SDK1: variants seen among roughly 807,000 people sequenced by gnomAD.
SDK1 encodes the protein sidekick cell adhesion molecule 1, also known as protein sidekick-1.
Under a neutral mutation model 245.5 loss-of-function variants are expected in SDK1, and 157 were observed. The ratio of observed to expected loss-of-function variants is 0.64; its 90% CI spans 0.56 to 0.73. SDK1 has a LOEUF of 0.73. SDK1 is among the 30% of genes least tolerant of loss of function. SDK1 has a pLI of 0.00. For synonymous variants in SDK1, 1,647 were observed against 1,278.5 expected (o/e 1.29, Z -6.15); for missense variants, 3,583 against 3,002.3 (o/e 1.19, Z -4.52).
At chr7:4,040,777 C>G (rs1298371346) in intron 17 of SDK1, among the ~76,000 whole-genome samples, 1 of 152,126 alleles carries the variant, frequency 6.6e-6, no homozygotes, top group Admixed American at 6.6e-5. Context: ...GGGTTATCTC[C>G]CCCGCTGGTG....
chr7:3,542,710 C>G (rs559565635), intron 1 of SDK1, among the ~76,000 whole-genome samples: 1 of 152,102 alleles, frequency 6.6e-6, no homozygotes, highest in Non-Finnish European at 1.5e-5. Flanking sequence ...CTCTTTAAAC[C>G]TCTCTTAGAA....
intron 1 of SDK1, among the ~76,000 whole-genome samples, chr7:3,528,706 G>A (rs1479482397): frequency 3.9e-5 from 6 of 152,076 alleles, no homozygotes; most frequent in Admixed American, 6.5e-5. Flanking sequence ...TTTTGAAGGC[G>A]TAATACACAG....
chr7:3,644,793 C>CAAA (rs59276438), intron 4 of SDK1, among the ~76,000 whole-genome samples: 7 of 108,850 alleles, frequency 6.4e-5, no homozygotes, highest in African/African-American at 1.1e-4. Context: ...AAAAAAAAAA[C>CAAA]AAAAAACAAC....
At chr7:3,921,480 G>A (rs1779585437) in intron 5 of SDK1, among the ~76,000 whole-genome samples, 2 of 152,160 alleles carry the variant, frequency 1.3e-5, no homozygotes, top group South Asian at 2.1e-4. Context: ...TAAATTCCCA[G>A]AAGTGGAATT....
intron 44 of SDK1, among the ~76,000 whole-genome samples, chr7:4,254,506 T>C (rs1369295852): frequency 1.3e-5 from 2 of 152,214 alleles, no homozygotes; most frequent in East Asian, 3.8e-4. Flanking sequence ...TATTCTTCAA[T>C]TGTCATCATA....
chr7:4,035,255 G>C (rs1788131839), intron 17 of SDK1, among the ~76,000 whole-genome samples: 1 of 152,140 alleles, frequency 6.6e-6, no homozygotes, highest in Admixed American at 6.5e-5. Context: ...AAAGTGCTGG[G>C]ATTACAGGTG....
chr7:3,340,576 C>T (rs573204040), intron 1 of SDK1, among the ~76,000 whole-genome samples: 13 of 152,222 alleles, frequency 8.5e-5, no homozygotes, highest in Non-Finnish European at 2.9e-5. Flanking sequence ...TCCTGGCTAA[C>T]ACGGTGAAAC....
chr7:3,317,413 A>T (rs564705811), intron 1 of SDK1, among the ~76,000 whole-genome samples: 4 of 152,048 alleles, frequency 2.6e-5, no homozygotes, highest in Non-Finnish European at 4.4e-5. Flanking sequence ...TGCTTTCCAG[A>T]CTAATTGGGG....
intron 2 of SDK1, among the ~76,000 whole-genome samples, chr7:3,630,784 T>C (rs1332419968): frequency 6.6e-6 from 1 of 151,874 alleles, no homozygotes; most frequent in Non-Finnish European, 1.5e-5. Context: ...AGATACACTG[T>C]GTTTATATAT....
At chr7:3,600,170 C>G (rs35453716) in intron 1 of SDK1, among the ~76,000 whole-genome samples, 1 of 152,050 alleles carries the variant, frequency 6.6e-6, no homozygotes, top group Non-Finnish European at 1.5e-5. Flanking sequence ...GTATATCATT[C>G]TCTTTGGAGT....
At chr7:3,629,282 C>T (rs1295209414) in intron 2 of SDK1, among the ~76,000 whole-genome samples, 1 of 144,792 alleles carries the variant, frequency 6.9e-6, no homozygotes, top group Non-Finnish European at 1.5e-5. Flanking sequence ...GCCTGGGAGA[C>T]AGTACAATTC....
intron 25 of SDK1, among the ~76,000 whole-genome samples, chr7:4,122,261 C>T (rs1784113596): frequency 6.6e-6 from 1 of 152,144 alleles, no homozygotes; most frequent in Non-Finnish European, 1.5e-5. Context: ...CCTGGCCCTA[C>T]TAACATCTGA....
At chr7:3,814,708 T>C (rs1779465297) in intron 4 of SDK1, among the ~76,000 whole-genome samples, 2 of 151,878 alleles carry the variant, frequency 1.3e-5, no homozygotes, top group Non-Finnish European at 2.9e-5. Flanking sequence ...TTGGGCAGTA[T>C]GGCCATTTTC....
At chr7:3,534,539 A>C (rs1039102329) in intron 1 of SDK1, among the ~76,000 whole-genome samples, 9 of 152,152 alleles carry the variant, frequency 5.9e-5, no homozygotes, top group African/African-American at 2.2e-4. Flanking sequence ...CATCCTCCCC[A>C]GCACTTGTCT....
At chr7:4,114,763 C>T (rs1366056007) in intron 25 of SDK1, among the ~76,000 whole-genome samples, 1 of 152,142 alleles carries the variant, frequency 6.6e-6, no homozygotes, top group African/African-American at 2.4e-5. Context: ...TGGCGGGTGG[C>T]TCTCTTCCAC....
At chr7:3,871,535 A>G (rs997557642) in intron 5 of SDK1, among the ~76,000 whole-genome samples, 1 of 152,234 alleles carries the variant, frequency 6.6e-6, no homozygotes, top group Non-Finnish European at 1.5e-5. Context: ...ATGGTTCTGT[A>G]GGCTGTGCAG....
chr7:3,843,421 A>G (rs1424985540), intron 5 of SDK1, among the ~76,000 whole-genome samples: 5 of 152,198 alleles, frequency 3.3e-5, no homozygotes, highest in Admixed American at 6.5e-5. Flanking sequence ...AGCTCTTACT[A>G]TGGAGAAGAA....
intron 1 of SDK1, among the ~76,000 whole-genome samples, chr7:3,565,234 TCCCTCTTC>T (rs757977702): frequency 8.5e-4 from 129 of 152,074 alleles, no homozygotes; most frequent in Non-Finnish European, 1.6e-3. Flanking sequence ...CTACTTCACC[TCCCTCTTC>T]CGGAGGTCAT....
chr7:3,871,765 C>G (rs536404281), intron 5 of SDK1, among the ~76,000 whole-genome samples: 1 of 152,196 alleles, frequency 6.6e-6, no homozygotes, highest in Non-Finnish European at 1.5e-5. Context: ...ATGACCCCAA[C>G]GCCACCCACC....
Sources: gnomAD v4.1 joint callset for allele counts (sites outside exome capture counted in the v4.1 genomes callset) on GRCh38, gnomAD v4.1.1 for gene constraint, MANE v1.5 for transcripts, NCBI Gene and HGNC (gene_info 2026-07-23, HGNC 2026-07-21) for gene names.